TPO: variants seen among roughly 807,000 people sequenced by gnomAD.
TPO encodes the protein thyroid microsomal antigen.
TPO carries 78 observed loss-of-function variants against 96.9 expected under a neutral mutation model. The observed-to-expected ratio is 0.81, with a 90% confidence interval of 0.67 to 0.97. The LOEUF (loss-of-function observed/expected upper bound fraction) is 0.97. Ranked by LOEUF, TPO falls within the 50% of genes least tolerant of loss-of-function variation. The probability of loss-of-function intolerance (pLI) is 0.00; values close to 1 mark genes in which losing one functional copy is unlikely to be tolerated. For missense variants in TPO, 1,252 were observed against 1,274.8 expected (o/e 0.98, Z 0.27); for synonymous variants, 547 against 538.0 (o/e 1.02, Z -0.23).
At position 1,484,832 on chromosome 2, in the gene TPO, C is replaced by G. The variant is rs1670976603; in HGVS notation, c.1575C>G (p.Ser525Arg). ...TGTGGCTGCACCAGGCTTTCTTCAG[C>G]CCATGGACATTACTCCGTGGAGGTG... The part of the protein sequence containing the change: ...PGLWLHQAFF[S>R]PWTLLRGGGL... Residue 525 changes from serine to arginine, a missense_variant, in exon 9 of 17, where the codon AGC becomes AGG. Ser to Arg is a moderately radical substitution (Grantham distance 110). Transcript: ENST00000329066. 1 of 1,613,848 alleles carries G rather than the reference C, an allele frequency of 6.2e-7. No homozygotes were observed. Among genetic ancestry groups the G allele is most frequent in the Non-Finnish European group, 8.5e-7 (1 of 1,180,050 alleles).
At chr2:1,376,850 A>C (rs1279768872) in intron 1 of TPO, among the ~76,000 whole-genome samples, 2 of 152,236 alleles carry the variant, frequency 1.3e-5, no homozygotes, top group Non-Finnish European at 2.9e-5. Flanking sequence ...CTGGTAGTGA[A>C]AGGAAGACCA....
At chr2:1,526,926 C>CCACTCTGTGCAACCTCCACAAATCCCCCA (rs1310527176) in intron 15 of TPO, among the ~76,000 whole-genome samples, 9 of 147,192 alleles carry the variant, frequency 6.1e-5, no homozygotes, top group African/African-American at 2.3e-4. Flanking sequence ...CAAATCCCCT[C>CCACTCTGTGCAACCTCCACAAATCCCCCA]CACTCTGTGC....
At chr2:1,410,220 ACAT>A (rs1345273907), upstream of TPO, among the ~76,000 whole-genome samples, 1 of 152,232 alleles carries the variant, frequency 6.6e-6, no homozygotes, top group Non-Finnish European at 1.5e-5. Flanking sequence ...ATGTATGAAA[ACAT>A]CATGTGAACA....
intron 2 of TPO, among the ~76,000 whole-genome samples, chr2:1,414,770 C>A (rs1662717905): frequency 6.6e-6 from 1 of 152,000 alleles, no homozygotes; most frequent in East Asian, 1.9e-4. Flanking sequence ...AAAAAAAATT[C>A]TTTGGGAGTG....
rs1162856168 is a variant in TPO at position 1,477,099 on chromosome 2, C to A, written c.833C>A (p.Ala278Asp). The A allele has an allele frequency of 6.9e-6, 11 of 1,604,752 alleles. No homozygotes were observed. The highest frequency in any genetic ancestry group is 4.5e-5 in the East Asian group (2 of 44,756). The change falls in exon 8 of 17, where the codon GCC becomes GAC. Residue 278 changes from alanine (A) to aspartate (D), a missense_variant. By Grantham distance (126) the Ala-to-Asp change is moderately radical. Coordinates refer to ENST00000329066, the MANE Select transcript of TPO (RefSeq NM_001206744.2). ...CTTTGCCTGCAGCTCCCGGAGGAGG[C>A]CCGGCCGGCCGCGGGCACCGCCTGT... Reference protein sequence around the residue: ...PCFPIQLPEEARPAAGTACLP... With the variant: ...PCFPIQLPEEDRPAAGTACLP...
intron 7 of TPO, 128 bp from the exon 8 acceptor site, chr2:1,476,958 C>A (rs917671677): frequency 1.9e-5 from 23 of 1,226,820 alleles, no homozygotes; most frequent in Admixed American, 2.4e-5. Flanking sequence ...CTGGACTGAC[C>A]CCTACAGAGG....
intron 8 of TPO, 181 bp downstream of exon 8, chr2:1,477,785 G>A (rs1191617819): frequency 1.0e-6 from 1 of 985,342 alleles, no homozygotes; most frequent in African/African-American, 1.7e-5. Flanking sequence ...TGGGCGCCCT[G>A]CATGGGCGTG....
rs114070163 is a variant in TPO at position 1,448,549 on chromosome 2, C to T, written c.483-5145C>T. ...AGGCTCCTTGCACGCTGTCCACAGC[C>T]GGCCATCGTAAGAGTTACGGCGACT... On this transcript the variant is annotated intron_variant, in intron 5 of 16. Coordinates refer to ENST00000329066, the MANE Select transcript of TPO (RefSeq NM_001206744.2). Among the ~76,000 whole-genome samples the T allele has an allele frequency of 2.1e-3, 322 of 152,264 alleles. 1 individual carries two copies. The highest frequency in any genetic ancestry group is 7.4e-3 in the African/African-American group (309 of 41,574).
chr2:1,526,688 T>TC (rs752195827), intron 15 of TPO, among the ~76,000 whole-genome samples: 1,158 of 14,566 alleles, frequency 0.08, 130 homozygotes, highest in East Asian at 0.31. Context: ...CCTCCCCAAA[T>TC]CCCCCCCCCA....
At chr2:1,533,396 GT>G (rs1335216287) in intron 15 of TPO, among the ~76,000 whole-genome samples, 8 of 110,504 alleles carry the variant, frequency 7.2e-5, no homozygotes, top group Non-Finnish European at 1.5e-4. Context: ...TCCCCACACT[GT>G]TTGCAACCTC....
chr2:1,385,529 T>G (rs1437648940), intron 1 of TPO, among the ~76,000 whole-genome samples: 7 of 152,212 alleles, frequency 4.6e-5, no homozygotes, highest in Non-Finnish European at 7.3e-5. Flanking sequence ...GATGGTCGTT[T>G]GTATTTCTGT....
intron 15 of TPO, among the ~76,000 whole-genome samples, chr2:1,532,597 C>G (rs1235550174): frequency 4.8e-5 from 5 of 103,646 alleles, no homozygotes; most frequent in Non-Finnish European, 7.8e-5. Flanking sequence ...AAATCCCCCC[C>G]ACAGTGTGCA....
intron 1 of TPO, among the ~76,000 whole-genome samples, chr2:1,406,887 T>TGTTTG (rs1662257211): frequency 6.6e-6 from 1 of 152,256 alleles, no homozygotes; most frequent in Admixed American, 6.5e-5. Flanking sequence ...GATCATTATT[T>TGTTTG]GAAAGATCAT....
At chr2:1,478,187 A>C in intron 8 of TPO, 1 of 985,426 alleles carries the variant, frequency 1.0e-6, no homozygotes, top group Non-Finnish European at 1.2e-6. Context: ...ATCACATGAG[A>C]GGGTCTTGAA....
At chr2:1,539,273 C>G (rs1045267943) in intron 15 of TPO, among the ~76,000 whole-genome samples, 2 of 152,170 alleles carry the variant, frequency 1.3e-5, no homozygotes, top group Admixed American at 6.5e-5. Flanking sequence ...GGTGCTAACT[C>G]CTTACAGACT....
intron 13 of TPO, among the ~76,000 whole-genome samples, chr2:1,502,551 A>G (rs938180627): frequency 1.2e-4 from 18 of 151,974 alleles, no homozygotes; most frequent in Non-Finnish European, 1.5e-4. Context: ...CACTGCACCC[A>G]GCTCATTTTT....
At chr2:1,527,375 T>C (rs1262905805) in intron 15 of TPO, among the ~76,000 whole-genome samples, 4 of 111,920 alleles carry the variant, frequency 3.6e-5, no homozygotes, top group African/African-American at 1.1e-4. Context: ...CCCCGCACTG[T>C]GTGCAACCAC....
chr2:1,526,865 C>T (rs1193362110), intron 15 of TPO, among the ~76,000 whole-genome samples: 1 of 143,704 alleles, frequency 7.0e-6, no homozygotes, highest in Non-Finnish European at 1.5e-5. Flanking sequence ...CTCCCCAAAT[C>T]CCCTGCTTTG....
At chr2:1,381,920 A>G (rs2148344405) in intron 1 of TPO, among the ~76,000 whole-genome samples, 1 of 152,212 alleles carries the variant, frequency 6.6e-6, no homozygotes, top group Non-Finnish European at 1.5e-5. Flanking sequence ...AATTGTTGAG[A>G]ATTAGAGAAA....
Sources: allele counts gnomAD v4.1 joint callset (sites outside exome capture counted in the v4.1 genomes callset), GRCh38; gene constraint gnomAD v4.1.1; transcripts MANE v1.5; gene names NCBI Gene and HGNC (gene_info 2026-07-23, HGNC 2026-07-21).